The following TFAP2C variants were observed in gnomAD, a reference collection of about 807,000 sequenced individuals.
TFAP2C encodes the protein transcription factor AP-2 gamma, also known as activating enhancer-binding protein 2 gamma.
In TFAP2C, 9 loss-of-function variants were observed where a neutral mutation model predicts 42.9. The ratio of observed to expected loss-of-function variants is 0.21; its 90% CI spans 0.13 to 0.37. The LOEUF is 0.37. Among genes scored for constraint, TFAP2C ranks in the 10% least tolerant of loss-of-function variants. TFAP2C has a pLI of 1.00. For synonymous variants in TFAP2C, 264 were observed against 256.0 expected, an observed-to-expected ratio of 1.03 and a Z score of -0.30; for missense variants, 462 against 591.7, an observed-to-expected ratio of 0.78 and a Z score of 2.27.
intron 3 of TFAP2C, among the ~76,000 whole-genome samples, chr20:56,632,470 C>T (rs1477833693): frequency 6.6e-6 from 1 of 152,092 alleles, no homozygotes; most frequent in African/African-American, 2.4e-5. Flanking sequence ...ACTTAACTGA[C>T]AGGATTACCA....
In TFAP2C at chr20:56,629,722, G is replaced by A; in HGVS notation, c.48+130G>A. On this transcript the variant is annotated intron_variant, in intron 1 of 6. Transcript: ENST00000201031. The surrounding 1 kb of genome is among the most constrained non-coding windows in gnomAD (Gnocchi z 5.9). ...TCGGTGGGACGGGATCCACTTCTCC[G>A]GACACCCCTTAGTCCATTTCTGCGG... 1.6e-6 allele frequency: 1 copy of A among 614,016 alleles called. No homozygotes were observed. The highest frequency in any genetic ancestry group is 2.4e-6 in the Non-Finnish European group (1 of 410,728). 38.0% of individuals were successfully genotyped at this position (614,016 alleles called of 1,614,324 possible). A position where few individuals can be genotyped will look rare whatever the true frequency, so the allele number is the denominator to read the frequency against.
At position 56,638,079 on chromosome 20, in the gene TFAP2C, C is replaced by A; in HGVS notation, c.*66C>A. ...GGACTGCAAAAATCCTTCTCCACCG[C>A]ACAGACTGGGAACCCCTCCTGGCCT... On this transcript the variant is annotated 3_prime_UTR_variant, in exon 7 of 7. Coordinates refer to ENST00000201031, the MANE Select transcript of TFAP2C (RefSeq NM_003222.4). The A allele has an allele frequency of 6.9e-7, 1 of 1,451,358 alleles. No individual in the cohort carries two copies. The highest frequency in any genetic ancestry group is 9.3e-7 in the Non-Finnish European group (1 of 1,073,058). The allele number at this position is 1,451,358 out of a possible 1,614,324, so 89.9% of individuals were successfully genotyped here.
In TFAP2C at chr20:56,638,428, G is replaced by A. The variant is rs1296061040; in HGVS notation, c.*415G>A. On this transcript the variant is annotated 3_prime_UTR_variant, in exon 7 of 7. Coordinates refer to ENST00000201031, the MANE Select transcript of TFAP2C (RefSeq NM_003222.4). ...GATCAACAATACCTTTTTTTTCAGT[G>A]TTAAGGTAATGGTTGGTTTTTGTGT... 2 of 163,076 alleles carry A rather than the reference G, an allele frequency of 1.2e-5. No individual in the cohort carries two copies. The highest frequency in any genetic ancestry group is 2.7e-5 in the Non-Finnish European group (2 of 74,030). The allele number at this position is 163,076 out of a possible 1,614,324, so 10.1% of individuals were successfully genotyped here. A position where few individuals can be genotyped will look rare whatever the true frequency, so the allele number is the denominator to read the frequency against.
In TFAP2C at chr20:56,631,653, G is replaced by T; in HGVS notation, c.497G>T (p.Gly166Val). ...LDAAGLAENL[G>V]LHDMPHQMDE... The stretch of plus-strand genomic sequence containing the variant: ...GCCGCGGGCCTGGCCGAGAACCTGG[G>T]GCTCCACGACATGCCTCACCAGATG... The change falls in exon 2 of 7, where the codon GGG (glycine) becomes GTG (valine). Residue 166 changes from glycine (G) to valine (V), a missense_variant. Coordinates refer to ENST00000201031, the MANE Select transcript of TFAP2C (RefSeq NM_003222.4). This position sits in a 1 kb window ranked among gnomAD's most constrained non-coding sequence, Gnocchi z 6.1. 6.3e-7 allele frequency: 1 copy of T among 1,584,444 alleles called. No individual in the cohort carries two copies. The highest frequency in any genetic ancestry group is 2.3e-5 in the East Asian group (1 of 43,998).
chr20:56,633,207 TTAAA>T (rs1987527016), intron 3 of TFAP2C, 142 bp from the exon 4 acceptor site: 1 of 615,714 alleles, frequency 1.6e-6, no homozygotes, highest in Non-Finnish European at 2.8e-6. Context: ...TTTTTTTTTT[TTAAA>T]TAAAGTCAGC....
In TFAP2C at chr20:56,633,337, T is replaced by C; in HGVS notation, c.587-16T>C. The C allele has an allele frequency of 1.2e-6, 2 of 1,603,518 alleles. No individual in the cohort carries two copies. Among genetic ancestry groups the C allele is most frequent in the Non-Finnish European group, 1.7e-6 (2 of 1,172,488 alleles). ...AGAGAGCTCTTGTGACTGCCAGCTC[T>C]GACCTTCATTCACAGGTCCCATTTC... is the stretch of plus-strand genomic sequence containing the variant. On this transcript the variant is annotated splice_polypyrimidine_tract_variant and intron_variant, in intron 3 of 6. Coordinates refer to ENST00000201031, the MANE Select transcript of TFAP2C (RefSeq NM_003222.4).
At position 56,634,294 on chromosome 20, in the gene TFAP2C, G is replaced by A. The variant is rs115244423; in HGVS notation, c.922+26G>A. The A allele has an allele frequency of 1.2e-3, 1,838 of 1,528,666 alleles. 20 individuals carry two copies. In the African/African-American group the frequency reaches 0.021, roughly 18 times the overall value. 94.7% of individuals were successfully genotyped at this position (1,528,666 alleles called of 1,614,324 possible). On this transcript the variant is annotated intron_variant, in intron 5 of 6. Transcript: ENST00000201031. Reference sequence around the variant, plus strand: ...GTCAGTGGGGTTTTGTTTTTGGTTCGTGATGTTTTTAATTTGTGCCTGTGT... The same window carrying A: ...GTCAGTGGGGTTTTGTTTTTGGTTCATGATGTTTTTAATTTGTGCCTGTGT...
rs1273822763 is a variant in TFAP2C, at chr20:56,630,986, C to G, written c.49-219C>G. ...GCCGGGCTTTGAGAACTCGTTCCCCCAGGTCTTTCACCAGACTCTCCTCCC... is the reference window on the plus strand; with the variant it reads ...GCCGGGCTTTGAGAACTCGTTCCCCGAGGTCTTTCACCAGACTCTCCTCCC... On this transcript the variant is annotated intron_variant, in intron 1 of 6. Coordinates refer to ENST00000201031, the MANE Select transcript of TFAP2C (RefSeq NM_003222.4). This position sits in a 1 kb window ranked among gnomAD's most constrained non-coding sequence, Gnocchi z 5.1. The G allele has an allele frequency of 7.1e-6, 7 of 985,292 alleles. No homozygotes were observed. In the South Asian group the frequency reaches 2.8e-4, roughly 40 times the overall value. 61.0% of individuals were successfully genotyped at this position (985,292 alleles called of 1,614,324 possible).
chr20:56,638,127 C>T lies in TFAP2C; in HGVS notation c.*114C>T, dbSNP rs552402336. The T allele has an allele frequency of 1.1e-6, 1 of 946,364 alleles. No homozygotes were observed. The highest frequency in any genetic ancestry group is 1.8e-5 in the South Asian group (1 of 57,024). The allele number at this position is 946,364 out of a possible 1,614,324, so 58.6% of individuals were successfully genotyped here. On this transcript the variant is annotated 3_prime_UTR_variant, in exon 7 of 7. Coordinates refer to ENST00000201031, the MANE Select transcript of TFAP2C (RefSeq NM_003222.4). ...CCTGGGGGAAGAGTTTGTTACCTAC[C>T]TTACTATTTAAAGAGCCTTCACTGG...
In TFAP2C at chr20:56,637,932, C is replaced by T. The variant is rs1393535403; in HGVS notation, c.1272C>T (p.Asp424=). ...TCAAAGAAGCCCTGATTGTCATAGA[C>T]AAATCCTACATGAACCCTGGAGACC... The part of the protein sequence containing the change: ...NYIKEALIVI[D]KSYMNPGDQS... The change falls in exon 7 of 7, where the codon GAC becomes GAT. Residue 424 remains aspartate (D), a synonymous_variant. Transcript: ENST00000201031. 1.2e-6 allele frequency: 2 copies of T among 1,613,240 alleles called. No homozygotes were observed. The highest frequency in any genetic ancestry group is 2.7e-5 in the African/African-American group (2 of 74,900).
At position 56,631,310 on chromosome 20, in the gene TFAP2C, G is replaced by C; in HGVS notation, c.154G>C (p.Ala52Pro). 6.2e-7 allele frequency: 1 copy of C among 1,607,496 alleles called. No individual in the cohort carries two copies. The highest frequency in any genetic ancestry group is 8.5e-7 in the Non-Finnish European group (1 of 1,177,690). ...PAPPLSHTGV[A>P]EYQPPPYFPP... is the part of the protein sequence containing the mutation. Reference sequence around the variant, plus strand: ...GCCACCCCTCTCCCACACTGGAGTCGCCGAATATCAGCCGCCACCCTACTT... The same window carrying C: ...GCCACCCCTCTCCCACACTGGAGTCCCCGAATATCAGCCGCCACCCTACTT... Residue 52 changes from alanine (A) to proline (P), a missense_variant, in exon 2 of 7, where the codon GCC (alanine) becomes CCC (proline). Physicochemically the swap from Ala to Pro is conservative, Grantham distance 27. Around this residue, in one of 5 missense-constraint regions of TFAP2C, gnomAD observed 271 missense variants for 269.7 expected, o/e 1.00. Transcript: ENST00000201031. This position sits in a 1 kb window ranked among gnomAD's most constrained non-coding sequence, Gnocchi z 6.1.
chr20:56,633,376 C>T lies in TFAP2C; in HGVS notation c.610C>T (p.Pro204Ser), dbSNP rs555013417. Residue 204 changes from proline (P) to serine (S), a missense_variant, in exon 4 of 7, where the codon CCT (proline) becomes TCT (serine). Physicochemically the swap from Pro to Ser is moderately conservative, Grantham distance 74. Coordinates refer to ENST00000201031, the MANE Select transcript of TFAP2C (RefSeq NM_003222.4). The stretch of plus-strand genomic sequence containing the variant: ...AGGTCCCATTTCCATGACCAAGAAC[C>T]CTCTGAACCTCCCCTGTCAGAAGGA... ...RKGPISMTKNPLNLPCQKELV... is the reference protein window; with the variant it reads ...RKGPISMTKNSLNLPCQKELV... The T allele has an allele frequency of 1.9e-6, 3 of 1,613,780 alleles. No individual in the cohort carries two copies. The African/African-American group carries it at 4.0e-5, about 22-fold the overall frequency.
chr20:56,631,115 G>C lies in TFAP2C; in HGVS notation c.49-90G>C. Reference sequence around the variant, plus strand: ...CGGGCGGGGTGCGGTTGGTCCCCCGGGGCCCTCTGCGTAGCCCGGCGATGC... The same window carrying C: ...CGGGCGGGGTGCGGTTGGTCCCCCGCGGCCCTCTGCGTAGCCCGGCGATGC... On this transcript the variant is annotated intron_variant, in intron 1 of 6. Transcript: ENST00000201031. The surrounding 1 kb of genome is among the most constrained non-coding windows in gnomAD (Gnocchi z 6.1). 1 of 1,454,824 alleles carries C rather than the reference G, an allele frequency of 6.9e-7. No homozygotes were observed. Among genetic ancestry groups the C allele is most frequent in the Admixed American group, 2.7e-5 (1 of 37,462 alleles). The allele number at this position is 1,454,824 out of a possible 1,614,324, so 90.1% of individuals were successfully genotyped here.
At position 56,629,834 on chromosome 20, in the gene TFAP2C, A is replaced by T. The variant is rs886394076; in HGVS notation, c.48+242A>T. On this transcript the variant is annotated intron_variant, in intron 1 of 6. Coordinates refer to ENST00000201031, the MANE Select transcript of TFAP2C (RefSeq NM_003222.4). This position sits in a 1 kb window ranked among gnomAD's most constrained non-coding sequence, Gnocchi z 5.9. ...AGAGAATGGCAAATCCCACCCACACAGCTTACCGGGCGCTTTCCTAAGCGG... is the reference window on the plus strand; with the variant it reads ...AGAGAATGGCAAATCCCACCCACACTGCTTACCGGGCGCTTTCCTAAGCGG... Among the ~76,000 whole-genome samples, 1 of 152,048 alleles carries T rather than the reference A, an allele frequency of 6.6e-6. No individual in the cohort carries two copies. Among genetic ancestry groups the T allele is most frequent in the Non-Finnish European group, 1.5e-5 (1 of 67,986 alleles).
chr20:56,635,714 G>A (rs1987571065), intron 5 of TFAP2C, among the ~76,000 whole-genome samples: 1 of 152,002 alleles, frequency 6.6e-6, no homozygotes, highest in South Asian at 2.1e-4. Flanking sequence ...TATCTGTTGA[G>A]CAGAGGACTG....
At chr20:56,636,478 A>G in intron 5 of TFAP2C, 132 bp from the exon 6 acceptor site, 1 of 945,448 alleles carries the variant, frequency 1.1e-6, no homozygotes, top group East Asian at 2.6e-5. Flanking sequence ...GTGAGCAGAG[A>G]TCGGGCCACT....
In TFAP2C at chr20:56,631,257, C is replaced by T. The variant is rs772232271; in HGVS notation, c.101C>T (p.Ser34Phe). 1.3e-6 allele frequency: 2 copies of T among 1,587,442 alleles called. No individual in the cohort carries two copies. Among genetic ancestry groups the T allele is most frequent in the African/African-American group, 1.4e-5 (1 of 72,946 alleles). ...AATCCGCGGGTCCCCCACCTCTCCT[C>T]CGCCGGGCAGCACCTCTACAGCCCC... The part of the protein sequence containing the change: ...NGNPRVPHLS[S>F]AGQHLYSPAP... The change falls in exon 2 of 7, where the codon TCC becomes TTC. Residue 34 changes from serine to phenylalanine, a missense_variant. By Grantham distance (155) the Ser-to-Phe change is radical. This residue lies in a region of TFAP2C where 271 missense variants were observed against 269.7 expected (regional missense o/e 1.00). Transcript: ENST00000201031. This position sits in a 1 kb window ranked among gnomAD's most constrained non-coding sequence, Gnocchi z 6.1.
In TFAP2C at chr20:56,629,421, G is replaced by T; in HGVS notation, c.-124G>T. 1.2e-6 allele frequency: 1 copy of T among 830,132 alleles called. No homozygotes were observed. The highest frequency in any genetic ancestry group is 1.7e-6 in the Non-Finnish European group (1 of 585,878). 51.4% of individuals were successfully genotyped at this position (830,132 alleles called of 1,614,324 possible). A position where few individuals can be genotyped will look rare whatever the true frequency, so the allele number is the denominator to read the frequency against. On this transcript the variant is annotated 5_prime_UTR_variant, in exon 1 of 7. Transcript: ENST00000201031. The surrounding 1 kb of genome is among the most constrained non-coding windows in gnomAD (Gnocchi z 5.9). ...CGTGTCCAGTGACCCGGACAGCAAG[G>T]CCCGCGCGCGGCGGGGGCGGCGGCA... is the stretch of plus-strand genomic sequence containing the variant.
At chr20:56,637,214 A>C (rs1987600096) in intron 6 of TFAP2C, among the ~76,000 whole-genome samples, 1 of 152,212 alleles carries the variant, frequency 6.6e-6, no homozygotes, top group Admixed American at 6.5e-5. Flanking sequence ...TTCTCATAGA[A>C]ACCAACAGTA....
Sources: gnomAD v4.1 joint callset for allele counts (sites outside exome capture counted in the v4.1 genomes callset) on GRCh38, gnomAD v4.1.1 for gene constraint, gnomAD v4.1.1 regional missense constraint, Gnocchi (gnomAD v3.1) non-coding constraint, MANE v1.5 for transcripts, NCBI Gene and HGNC (gene_info 2026-07-23, HGNC 2026-07-21) for gene names.